The following NRG3 variants were observed in gnomAD, a reference collection of about 807,000 sequenced individuals.
The protein encoded by NRG3 is pro-neuregulin-3, membrane-bound isoform.
A neutral mutation model predicts 66.9 loss-of-function variants in NRG3; 31 were observed. The observed-to-expected ratio is 0.46, with a 90% confidence interval of 0.35 to 0.63. The LOEUF (loss-of-function observed/expected upper bound fraction) is 0.63. NRG3 is among the 20% of genes least tolerant of loss of function. The pLI is 0.00. For missense variants in NRG3, 910 were observed against 878.9 expected, an observed-to-expected ratio of 1.04 and a Z score of -0.45; for synonymous variants, 393 against 359.4, an observed-to-expected ratio of 1.09 and a Z score of -1.06.
intron 3 of NRG3, among the ~76,000 whole-genome samples, chr10:82,822,006 T>C (rs887836491): frequency 6.6e-6 from 1 of 152,120 alleles, no homozygotes; most frequent in African/African-American, 2.4e-5. Flanking sequence ...TCCAAAATTA[T>C]AGCAGCAGCC....
intron 3 of NRG3, among the ~76,000 whole-genome samples, chr10:82,858,791 C>A (rs991804881): frequency 6.6e-6 from 1 of 152,128 alleles, no homozygotes; most frequent in African/African-American, 2.4e-5. Flanking sequence ...TATCGGTAGT[C>A]CCACTGGGGG....
intron 1 of NRG3, chr10:82,340,735 A>G (rs2082642410): frequency 6.6e-6 from 1 of 152,158 alleles, no homozygotes. Context: ...TACTTTGCAC[A>G]GTATTTTAGT....
At chr10:82,221,237 CAA>C (rs368132655) in intron 1 of NRG3, among the ~76,000 whole-genome samples, 1 of 118,212 alleles carries the variant, frequency 8.5e-6, no homozygotes. Context: ...CACTCACTGC[CAA>C]AAAAAAAAAT....
chr10:82,368,077 G>C (rs574414897), intron 2 of NRG3, among the ~76,000 whole-genome samples: 1 of 140,756 alleles, frequency 7.1e-6, no homozygotes, highest in South Asian at 2.1e-4. Context: ...TCTGTGAAGT[G>C]GGAAAAACAA....
chr10:82,169,921 C>T (rs2072431327), intron 1 of NRG3, among the ~76,000 whole-genome samples: 3 of 148,636 alleles, frequency 2.0e-5, no homozygotes, highest in Admixed American at 2.0e-4. Context: ...GATATTTGTT[C>T]TACTGTTAGC....
At chr10:82,060,925 A>G (rs2133229839) in intron 1 of NRG3, among the ~76,000 whole-genome samples, 1 of 152,250 alleles carries the variant, frequency 6.6e-6, no homozygotes, top group African/African-American at 2.4e-5. Flanking sequence ...TTGTGAGAGG[A>G]AGGAGTTCAG....
chr10:82,971,742 A>T (rs976639855), intron 6 of NRG3, among the ~76,000 whole-genome samples: 1 of 152,116 alleles, frequency 6.6e-6, no homozygotes, highest in African/African-American at 2.4e-5. Flanking sequence ...TAGCCTGAGA[A>T]AGCCTTTCAT....
chr10:82,030,495 C>T (rs1392444107), intron 1 of NRG3, among the ~76,000 whole-genome samples: 2 of 151,940 alleles, frequency 1.3e-5, no homozygotes, highest in African/African-American at 4.8e-5. Flanking sequence ...ACACATAAGA[C>T]ATGTAGATGG....
In NRG3 at chr10:82,358,836, C is replaced by T. The variant is rs548776537; in HGVS notation, c.921C>T (p.Ile307=). ...TCAATGATGGCGAGTGCTTTGTGAT[C>T]GAAACCCTGACCGGATCCCATAAAC... is the stretch of plus-strand genomic sequence containing the variant. ...YCLNDGECFV[I]ETLTGSHKHC... is the part of the protein sequence containing the mutation. Residue 307 remains isoleucine (I), a synonymous_variant, in exon 2 of 9, where the codon ATC becomes ATT. Coordinates refer to ENST00000372141, the MANE Select transcript of NRG3 (RefSeq NM_001010848.4). 24 of 1,614,132 alleles carry T rather than the reference C, an allele frequency of 1.5e-5. No individual in the cohort carries two copies. The South Asian group carries it at 1.8e-4, about 12-fold the overall frequency.
chr10:82,921,333 A>G (rs763426915), intron 4 of NRG3, among the ~76,000 whole-genome samples: 3 of 152,190 alleles, frequency 2.0e-5, no homozygotes, highest in Non-Finnish European at 4.4e-5. Flanking sequence ...AAACTGTCAT[A>G]AACAAGGAGA....
At chr10:82,062,516 G>A (rs1212236837) in intron 1 of NRG3, among the ~76,000 whole-genome samples, 1 of 151,796 alleles carries the variant, frequency 6.6e-6, no homozygotes, top group African/African-American at 2.4e-5. Flanking sequence ...TGAGGCAGGA[G>A]AATTGCTCTA....
rs1845941617 is a variant in NRG3, at chr10:82,518,920, T to C, written c.953+160052T>C. Among the ~76,000 whole-genome samples, 4 of 152,306 alleles carry C rather than the reference T, an allele frequency of 2.6e-5. No homozygotes were observed. In the South Asian group the frequency reaches 8.3e-4, roughly 32 times the overall value. Reference sequence around the variant, plus strand: ...CTCATAACACCAAGAGATTTGATAATGAAGCCAGCTCAGTAGAGGTCAAGG... The same window carrying C: ...CTCATAACACCAAGAGATTTGATAACGAAGCCAGCTCAGTAGAGGTCAAGG... On this transcript the variant is annotated intron_variant, in intron 2 of 8. Coordinates refer to ENST00000372141, the MANE Select transcript of NRG3 (RefSeq NM_001010848.4).
intron 1 of NRG3, among the ~76,000 whole-genome samples, chr10:82,243,543 C>T (rs928025579): frequency 1.1e-4 from 16 of 151,930 alleles, no homozygotes; most frequent in Admixed American, 2.6e-4. Flanking sequence ...AGTCAAATCC[C>T]GGTGATTAGT....
At chr10:82,983,281 C>T (rs4933278) in intron 8 of NRG3, among the ~76,000 whole-genome samples, 51,753 of 152,018 alleles carry the variant, frequency 0.34, 9,298 homozygotes, top group East Asian at 0.66. Flanking sequence ...AAACAAAAGC[C>T]TGAAATTTTT....
At chr10:82,420,078 T>C (rs934218468) in intron 2 of NRG3, among the ~76,000 whole-genome samples, 3 of 152,280 alleles carry the variant, frequency 2.0e-5, no homozygotes, top group Admixed American at 1.3e-4. Context: ...TTTCTGCCGC[T>C]CTCCCTGAAG....
At chr10:82,483,299 G>C (rs1005171196) in intron 2 of NRG3, among the ~76,000 whole-genome samples, 1 of 152,210 alleles carries the variant, frequency 6.6e-6, no homozygotes. Context: ...GAGTGCAGTG[G>C]TGACTGGGTC....
At chr10:82,787,244 C>T (rs2060407793) in intron 3 of NRG3, among the ~76,000 whole-genome samples, 1 of 152,266 alleles carries the variant, frequency 6.6e-6, no homozygotes, top group South Asian at 2.1e-4. Flanking sequence ...CACCATCACA[C>T]TTATTATACC....
chr10:82,236,997 G>A (rs2076787804), intron 1 of NRG3, among the ~76,000 whole-genome samples: 1 of 152,144 alleles, frequency 6.6e-6, no homozygotes, highest in Non-Finnish European at 1.5e-5. Flanking sequence ...TTACAGGTGT[G>A]AGCCAGCGCA....
At chr10:82,147,364 T>G (rs1354159070) in intron 1 of NRG3, among the ~76,000 whole-genome samples, 1 of 152,204 alleles carries the variant, frequency 6.6e-6, no homozygotes, top group Non-Finnish European at 1.5e-5. Context: ...GATATGCCTC[T>G]GAACAAATGG....
Sources: allele counts gnomAD v4.1 joint callset (sites outside exome capture counted in the v4.1 genomes callset), GRCh38; gene constraint gnomAD v4.1.1; transcripts MANE v1.5; gene names NCBI Gene and HGNC (gene_info 2026-07-23, HGNC 2026-07-21).